The following RSU1 variants were observed in gnomAD, a reference collection of about 807,000 sequenced individuals.
The protein encoded by RSU1 is rsu-1.
In RSU1, 26 loss-of-function variants were observed where a neutral mutation model predicts 31.1. The observed-to-expected ratio is 0.84, with a 90% CI of 0.61 to 1.16. The LOEUF (loss-of-function observed/expected upper bound fraction) is 1.16. Among genes scored for constraint, RSU1 ranks in the 50% most tolerant of loss-of-function variants. RSU1 has a pLI of 0.00. For synonymous variants in RSU1, 164 were observed against 136.3 expected, an observed-to-expected ratio of 1.20 and a Z score of -1.41; for missense variants, 320 against 339.1, an observed-to-expected ratio of 0.94 and a Z score of 0.44.
intron 2 of RSU1, among the ~76,000 whole-genome samples, chr10:16,802,643 T>C (rs977797928): frequency 1.3e-5 from 2 of 152,114 alleles, no homozygotes; most frequent in African/African-American, 4.8e-5. Context: ...AAAAATCCTC[T>C]ACAAAGCGTT....
intron 8 of RSU1, among the ~76,000 whole-genome samples, chr10:16,610,881 T>A (rs1008912240): frequency 3.4e-4 from 51 of 152,052 alleles, no homozygotes; most frequent in Admixed American, 3.3e-3. Context: ...ACACAGGAAA[T>A]CTGTTATCTA....
At chr10:16,692,159 G>A (rs1020148494) in intron 8 of RSU1, among the ~76,000 whole-genome samples, 5 of 152,092 alleles carry the variant, frequency 3.3e-5, no homozygotes, top group African/African-American at 9.7e-5. Context: ...CTTAGACTAC[G>A]CCAACCCCCC....
At chr10:16,709,788 T>A (rs1044936450) in intron 7 of RSU1, among the ~76,000 whole-genome samples, 65 of 152,224 alleles carry the variant, frequency 4.3e-4, no homozygotes, top group Non-Finnish European at 5.9e-5. Flanking sequence ...GCTGCATAAA[T>A]GTCTTCTTTT....
chr10:16,782,072 T>C lies in RSU1; in HGVS notation c.122A>G (p.His41Arg), dbSNP rs750607719. ...ATGGCTGAGGACCAGTTGTGTGATA[T>C]GGGATAAGGTAACTAAAAAGAAAAG... ...LDVNGLFTLS[H>R]ITQLVLSHNK... is the part of the protein sequence containing the mutation. Residue 41 changes from histidine to arginine, a missense_variant, in exon 3 of 9, where the codon CAT becomes CGT. Transcript: ENST00000345264. The C allele has an allele frequency of 1.2e-6, 2 of 1,611,284 alleles. No homozygotes were observed. The highest frequency in any genetic ancestry group is 2.2e-5 in the East Asian group (1 of 44,840).
At chr10:16,796,021 C>T (rs898911587) in intron 2 of RSU1, among the ~76,000 whole-genome samples, 1 of 152,158 alleles carries the variant, frequency 6.6e-6, no homozygotes, top group African/African-American at 2.4e-5. Context: ...TCTTTTCAAG[C>T]AGGAGGAGCT....
chr10:16,620,739 G>A (rs1447826557), intron 8 of RSU1, among the ~76,000 whole-genome samples: 1 of 151,828 alleles, frequency 6.6e-6, no homozygotes, highest in Non-Finnish European at 1.5e-5. Flanking sequence ...CAGCTACTTG[G>A]GAGGCTGAGG....
chr10:16,740,634 AATC>A (rs1836730313), intron 7 of RSU1, among the ~76,000 whole-genome samples: 2 of 152,214 alleles, frequency 1.3e-5, no homozygotes, highest in Admixed American at 1.3e-4. Flanking sequence ...TAAAATATAA[AATC>A]AATACAGTAT....
intron 8 of RSU1, among the ~76,000 whole-genome samples, chr10:16,604,666 G>C (rs1833771367): frequency 1.3e-5 from 2 of 152,088 alleles, no homozygotes; most frequent in African/African-American, 4.8e-5. Context: ...ATTCCCATTT[G>C]ACAGGTGGGG....
rs74807453 is a variant in RSU1, at chr10:16,715,861, G to A, written c.599-20706C>T. Among the ~76,000 whole-genome samples, 1,413 of 152,250 alleles carry A rather than the reference G, an allele frequency of 9.3e-3. 23 individuals are homozygous for A. The highest frequency in any genetic ancestry group is 0.079 in the East Asian group (407 of 5,184). ...AAAACATCAGCGAGATTTTCATAGC[G>A]AGTGCATTAAATCTACAGATTGCTT... On this transcript the variant is annotated intron_variant, in intron 7 of 8. Coordinates refer to ENST00000345264, the MANE Select transcript of RSU1 (RefSeq NM_012425.4).
intron 8 of RSU1, among the ~76,000 whole-genome samples, chr10:16,661,583 T>G (rs1834892256): frequency 6.6e-6 from 1 of 152,220 alleles, no homozygotes; most frequent in Non-Finnish European, 1.5e-5. Flanking sequence ...ATGACTATGA[T>G]GACTACTATT....
At chr10:16,742,226 T>G (rs1836768864) in intron 7 of RSU1, among the ~76,000 whole-genome samples, 1 of 152,150 alleles carries the variant, frequency 6.6e-6, no homozygotes, top group Admixed American at 6.5e-5. Flanking sequence ...ATTAGATGCT[T>G]TTGTGTAATG....
At position 16,591,528 on chromosome 10, in the gene RSU1, C is replaced by T. The variant is rs1186150908; in HGVS notation, c.*1866G>A. On this transcript the variant is annotated 3_prime_UTR_variant, in exon 9 of 9. Transcript: ENST00000345264. ...AAAGAATGTTTATTTCATGTTACTC[C>T]TCTTGCACTTAATACTGCCTTAAAA... 2 of 152,142 alleles carry T rather than the reference C, an allele frequency of 1.3e-5. No individual in the cohort carries two copies. The highest frequency in any genetic ancestry group is 1.3e-4 in the Admixed American group (2 of 15,272). 9.4% of individuals were successfully genotyped at this position (152,142 alleles called of 1,614,324 possible).
intron 2 of RSU1, among the ~76,000 whole-genome samples, chr10:16,812,314 C>T (rs1178020785): frequency 2.1e-4 from 32 of 152,126 alleles, no homozygotes; most frequent in African/African-American, 5.6e-4. Context: ...TGGTGGCGCA[C>T]GCCTGTAACC....
rs146574062 is a variant in RSU1, at chr10:16,779,620, G to A, written c.160+2414C>T. On this transcript the variant is annotated intron_variant, in intron 3 of 8. Transcript: ENST00000345264. ...ACTTTTGCAAGATAAAAGCAGTGCCGGGTGAGGGGGTGGGGGAGTTATCTT... is the reference window on the plus strand; with the variant it reads ...ACTTTTGCAAGATAAAAGCAGTGCCAGGTGAGGGGGTGGGGGAGTTATCTT... Among the ~76,000 whole-genome samples, 528 of 152,268 alleles carry A rather than the reference G, an allele frequency of 3.5e-3. 4 individuals are homozygous for A. Among genetic ancestry groups the A allele is most frequent in the African/African-American group, 0.012 (479 of 41,542 alleles).
intron 2 of RSU1, among the ~76,000 whole-genome samples, chr10:16,784,426 T>G (rs978513627): frequency 9.2e-5 from 14 of 152,328 alleles, no homozygotes; most frequent in African/African-American, 3.1e-4. Flanking sequence ...GAAGTTTATA[T>G]GGCTTATGGT....
chr10:16,707,434 G>A (rs1024691802), intron 7 of RSU1, among the ~76,000 whole-genome samples: 10 of 152,096 alleles, frequency 6.6e-5, no homozygotes, highest in African/African-American at 2.4e-4. Flanking sequence ...GAGTGAGGTG[G>A]TATTTTATCG....
chr10:16,750,602 C>T (rs1057096330), intron 7 of RSU1, among the ~76,000 whole-genome samples: 1 of 152,038 alleles, frequency 6.6e-6, no homozygotes, highest in African/African-American at 2.4e-5. Context: ...TCCTACGTTG[C>T]CTCACTGCTT....
chr10:16,726,267 CT>C (rs760586484), intron 7 of RSU1, among the ~76,000 whole-genome samples: 78 of 137,078 alleles, frequency 5.7e-4, no homozygotes, highest in East Asian at 3.0e-3. Flanking sequence ...AGGAACGTAT[CT>C]TTTTTTTTTT....
intron 8 of RSU1, among the ~76,000 whole-genome samples, chr10:16,679,258 C>G (rs1835285538): frequency 6.6e-6 from 1 of 152,144 alleles, no homozygotes; most frequent in South Asian, 2.1e-4. Flanking sequence ...GTGCAAAGCC[C>G]AGTCAAGAAG....
Sources: allele counts gnomAD v4.1 joint callset (sites outside exome capture counted in the v4.1 genomes callset), GRCh38; gene constraint gnomAD v4.1.1; transcripts MANE v1.5; gene names NCBI Gene and HGNC (gene_info 2026-07-23, HGNC 2026-07-21).